The following HECW1 variants were observed in gnomAD, a reference collection of about 807,000 sequenced individuals.
HECW1 encodes the protein HECT, C2 and WW domain containing E3 ubiquitin protein ligase 1, also known as E3 ubiquitin-protein ligase HECW1.
In HECW1, 61 loss-of-function variants were observed where a neutral mutation model predicts 182.3. The ratio of observed to expected loss-of-function variants is 0.33; its 90% CI spans 0.27 to 0.41. HECW1 has a LOEUF of 0.41. Among genes scored for constraint, HECW1 ranks in the 10% least tolerant of loss-of-function variants. HECW1 has a pLI of 1.00. For synonymous variants in HECW1, 859 were observed against 832.6 expected, an observed-to-expected ratio of 1.03 and a Z score of -0.55; for missense variants, 1,739 against 2,108.9, an observed-to-expected ratio of 0.82 and a Z score of 3.44.
chr7:43,520,894 T>C (rs1038354833), intron 24 of HECW1, among the ~76,000 whole-genome samples: 3 of 152,198 alleles, frequency 2.0e-5, no homozygotes, highest in African/African-American at 7.2e-5. Flanking sequence ...GTGTTAGCTT[T>C]TAAACTGGAT....
chr7:43,335,418 C>T (rs1312734959), intron 5 of HECW1, among the ~76,000 whole-genome samples: 1 of 152,152 alleles, frequency 6.6e-6, no homozygotes, highest in East Asian at 1.9e-4. Context: ...GGAATTAATG[C>T]CTTTATAAAG....
intron 3 of HECW1, chr7:43,311,530 G>A (rs1187767937): frequency 4.1e-6 from 3 of 723,072 alleles, no homozygotes; most frequent in Non-Finnish European, 7.6e-6. Flanking sequence ...AACAAAACAT[G>A]GAAACGCAGG....
rs1483776571 is a variant in HECW1 at position 43,432,617 on chromosome 7, G to T, written c.802-5386G>T. ...TGGAGGCTGTGGCCCCAGCACTCCA[G>T]CACAGAAGGGTGGTAGCTGTGTCCC... On this transcript the variant is annotated intron_variant, in intron 8 of 29. Coordinates refer to ENST00000395891, the MANE Select transcript of HECW1 (RefSeq NM_015052.5). This position sits in a 1 kb window ranked among gnomAD's most constrained non-coding sequence, Gnocchi z 4.1. Among the ~76,000 whole-genome samples, 1 of 152,170 alleles carries T rather than the reference G, an allele frequency of 6.6e-6. No individual in the cohort carries two copies. Among genetic ancestry groups the T allele is most frequent in the African/African-American group, 2.4e-5 (1 of 41,442 alleles).
intron 4 of HECW1, among the ~76,000 whole-genome samples, chr7:43,313,874 C>T (rs1808854557): frequency 6.6e-6 from 1 of 152,138 alleles, no homozygotes; most frequent in African/African-American, 2.4e-5. Flanking sequence ...CCCATTCGGA[C>T]CTTCATCATG....
chr7:43,270,380 G>C (rs1354034672), intron 3 of HECW1, among the ~76,000 whole-genome samples: 1 of 152,198 alleles, frequency 6.6e-6, no homozygotes, highest in Admixed American at 6.5e-5. Flanking sequence ...GAAACTGTCA[G>C]ATGGAGGTAT....
chr7:43,163,265 T>C (rs1235706960), intron 2 of HECW1: 1 of 152,222 alleles, frequency 6.6e-6, no homozygotes, highest in East Asian at 1.9e-4. Flanking sequence ...GATTCATTAC[T>C]AGTTTGAGGA....
intron 21 of HECW1, among the ~76,000 whole-genome samples, chr7:43,503,557 A>G (rs1381730389): frequency 7.2e-5 from 11 of 152,272 alleles, no homozygotes; most frequent in Admixed American, 6.5e-4. Context: ...TGATAGAGAT[A>G]TGACTGATGC....
At chr7:43,431,687 G>A (rs1375939709) in intron 8 of HECW1, among the ~76,000 whole-genome samples, 1 of 152,174 alleles carries the variant, frequency 6.6e-6, no homozygotes, top group Admixed American at 6.5e-5. Flanking sequence ...GTGGCCAGGA[G>A]GCTGTTCATG....
intron 6 of HECW1, among the ~76,000 whole-genome samples, chr7:43,364,224 C>T (rs1279856277): frequency 1.3e-5 from 2 of 152,186 alleles, no homozygotes; most frequent in Non-Finnish European, 2.9e-5. Flanking sequence ...ATTTTCTGAG[C>T]ATTGTATGGT....
At chr7:43,446,722 G>A (rs1249139191) in intron 11 of HECW1, among the ~76,000 whole-genome samples, 2 of 152,200 alleles carry the variant, frequency 1.3e-5, no homozygotes, top group East Asian at 1.9e-4. Flanking sequence ...GTGAGAGAAG[G>A]TGGCACATGC....
At chr7:43,361,049 TGTGCGTGC>T (rs199791749) in intron 6 of HECW1, 69 bp downstream of exon 6, 5 of 821,624 alleles carry the variant, frequency 6.1e-6, no homozygotes, top group African/African-American at 4.3e-5. Flanking sequence ...ATTTTGTTCT[TGTGCGTGC>T]GTGTGTGTGT....
chr7:43,247,939 GA>G (rs1799581173), intron 3 of HECW1, among the ~76,000 whole-genome samples: 2 of 133,832 alleles, frequency 1.5e-5, no homozygotes, highest in Non-Finnish European at 3.1e-5. Flanking sequence ...AAAAAAGAGA[GA>G]GAAAAAAGGA....
At chr7:43,385,386 C>G (rs1190971125) in intron 6 of HECW1, among the ~76,000 whole-genome samples, 2 of 149,706 alleles carry the variant, frequency 1.3e-5, no homozygotes, top group Non-Finnish European at 3.0e-5. Flanking sequence ...AGTCTCTCTG[C>G]CTCTGTCTTC....
chr7:43,217,998 C>T (rs1796590532), intron 2 of HECW1, among the ~76,000 whole-genome samples: 1 of 152,100 alleles, frequency 6.6e-6, no homozygotes, highest in Non-Finnish European at 1.5e-5. Flanking sequence ...GTGGGGTCCA[C>T]TAGAGGGAAT....
At chr7:43,187,999 C>A (rs1428862661) in intron 2 of HECW1, among the ~76,000 whole-genome samples, 1 of 152,188 alleles carries the variant, frequency 6.6e-6, no homozygotes, top group African/African-American at 2.4e-5. Context: ...CTTTTTGGCA[C>A]CGTAGCACAT....
At position 43,488,980 on chromosome 7, in the gene HECW1, C is replaced by T. The variant is rs186643615; in HGVS notation, c.3235-3095C>T. Among the ~76,000 whole-genome samples, 728 of 152,316 alleles carry T rather than the reference C, an allele frequency of 4.8e-3. 7 individuals are homozygous for T. Among genetic ancestry groups the T allele is most frequent in the South Asian group, 6.0e-3 (29 of 4,828 alleles). ...TTTTTCAATCTGGCTCAGCTTTACC[C>T]GTGAGTGGGTGACCTCAGAAGTAGG... On this transcript the variant is annotated intron_variant, in intron 17 of 29. Coordinates refer to ENST00000395891, the MANE Select transcript of HECW1 (RefSeq NM_015052.5).
chr7:43,194,522 G>A (rs188092598), intron 2 of HECW1: 1 of 152,162 alleles, frequency 6.6e-6, no homozygotes, highest in Non-Finnish European at 1.5e-5. Flanking sequence ...AAGCCTGTGT[G>A]TGTGCTCCCT....
Position 43,562,585 on chromosome 7 carries a change from G to C in HECW1, c.*659G>C. 4.4e-6 allele frequency: 1 copy of C among 228,470 alleles called. No homozygotes were observed. Among genetic ancestry groups the C allele is most frequent in the Non-Finnish European group, 8.7e-6 (1 of 114,788 alleles). 14.2% of individuals were successfully genotyped at this position (228,470 alleles called of 1,614,324 possible). A position where few individuals can be genotyped will look rare whatever the true frequency, so the allele number is the denominator to read the frequency against. On this transcript the variant is annotated 3_prime_UTR_variant, in exon 30 of 30. Coordinates refer to ENST00000395891, the MANE Select transcript of HECW1 (RefSeq NM_015052.5). ...CACTTCTAACGATTAACAACAGCAA[G>C]AAAACACCTGCTGCTGATGCAATGC...
At chr7:43,207,634 C>T (rs1174720537) in intron 2 of HECW1, 2 of 152,184 alleles carry the variant, frequency 1.3e-5, no homozygotes, top group Admixed American at 6.6e-5. Context: ...CTTCCCTCCC[C>T]GTTCCCTTGT....
Sources: allele counts gnomAD v4.1 joint callset (sites outside exome capture counted in the v4.1 genomes callset), GRCh38; gene constraint gnomAD v4.1.1; non-coding constraint Gnocchi (gnomAD v3.1); transcripts MANE v1.5; gene names NCBI Gene and HGNC (gene_info 2026-07-23, HGNC 2026-07-21).